The following SOX5 variants were observed in gnomAD, a reference collection of about 807,000 sequenced individuals.
The protein encoded by SOX5 is SRY-box transcription factor 5.
Under a neutral mutation model 92.0 loss-of-function variants are expected in SOX5, and 9 were observed. That is an observed-to-expected ratio of 0.10 (90% CI 0.06 to 0.17). The LOEUF is 0.17. Ranked by LOEUF, SOX5 falls within the 10% of genes least tolerant of loss-of-function variation. The probability of loss-of-function intolerance (pLI) is 1.00; values close to 1 mark genes in which losing one functional copy is unlikely to be tolerated. For missense variants in SOX5, 642 were observed against 944.5 expected (o/e 0.68, Z 4.20); for synonymous variants, 344 against 336.3 (o/e 1.02, Z -0.25).
chr12:24,235,491 C>T (rs1430927088), intron 3 of SOX5, among the ~76,000 whole-genome samples: 1 of 151,996 alleles, frequency 6.6e-6, no homozygotes, highest in Non-Finnish European at 1.5e-5. Flanking sequence ...TAATAGAAAC[C>T]CTACATTAAT....
chr12:24,147,645 C>A (rs1028519300), intron 4 of SOX5, among the ~76,000 whole-genome samples: 2 of 152,162 alleles, frequency 1.3e-5, no homozygotes, highest in Non-Finnish European at 2.9e-5. Context: ...TCACAGACAA[C>A]ATAATTGTCT....
chr12:24,050,979 C>T (rs1055217402), intron 4 of SOX5, among the ~76,000 whole-genome samples: 4 of 152,112 alleles, frequency 2.6e-5, no homozygotes, highest in Non-Finnish European at 5.9e-5. Flanking sequence ...ATGATCCTCT[C>T]TCTTTTTTTG....
intron 9 of SOX5, among the ~76,000 whole-genome samples, chr12:23,603,761 C>G (rs1173884092): frequency 6.6e-6 from 1 of 151,978 alleles, no homozygotes; most frequent in Non-Finnish European, 1.5e-5. Flanking sequence ...AAAACCAAAA[C>G]CACTTCTAAA....
chr12:24,155,237 G>A (rs546711601), intron 4 of SOX5, among the ~76,000 whole-genome samples: 1 of 152,126 alleles, frequency 6.6e-6, no homozygotes, highest in Non-Finnish European at 1.5e-5. Flanking sequence ...GTAGAGATGA[G>A]AATTTAGTCA....
chr12:24,304,209 G>C (rs753161851), intron 2 of SOX5, among the ~76,000 whole-genome samples: 2 of 152,168 alleles, frequency 1.3e-5, no homozygotes, highest in Non-Finnish European at 2.9e-5. Context: ...CCATGTCAAA[G>C]AGATAGCATG....
intron 10 of SOX5, among the ~76,000 whole-genome samples, chr12:23,568,694 T>C (rs756502266): frequency 4.6e-5 from 7 of 152,094 alleles, no homozygotes; most frequent in Non-Finnish European, 8.8e-5. Flanking sequence ...CTTTACCCTC[T>C]AAAGATACAA....
intron 4 of SOX5, among the ~76,000 whole-genome samples, chr12:24,034,079 G>A (rs1186898819): frequency 6.6e-6 from 1 of 151,988 alleles, no homozygotes; most frequent in Non-Finnish European, 1.5e-5. Context: ...AAACATAACT[G>A]TTTTGATAAT....
chr12:24,468,593 C>T (rs935837731), intron 1 of SOX5, among the ~76,000 whole-genome samples: 1 of 152,154 alleles, frequency 6.6e-6, no homozygotes, highest in Non-Finnish European at 1.5e-5. Flanking sequence ...TAGTCAAACA[C>T]CGCCCCACAA....
intron 4 of SOX5, among the ~76,000 whole-genome samples, chr12:24,030,001 T>G (rs924468555): frequency 2.6e-5 from 4 of 151,932 alleles, no homozygotes; most frequent in African/African-American, 9.7e-5. Flanking sequence ...TGCAACCTTA[T>G]GAGGTACGTG....
intron 1 of SOX5, among the ~76,000 whole-genome samples, chr12:24,521,671 C>T (rs1597561020): frequency 6.6e-6 from 1 of 152,118 alleles, no homozygotes; most frequent in South Asian, 2.1e-4. Context: ...AGAAAATTCA[C>T]AAACGCATGG....
chr12:24,212,894 A>T (rs1437543982), intron 4 of SOX5, among the ~76,000 whole-genome samples: 1 of 152,222 alleles, frequency 6.6e-6, no homozygotes, highest in Non-Finnish European at 1.5e-5. Context: ...TTAGAGGTGG[A>T]CACCAGCACA....
intron 13 of SOX5, among the ~76,000 whole-genome samples, chr12:23,537,733 A>C (rs1311566506): frequency 6.6e-6 from 1 of 152,218 alleles, no homozygotes; most frequent in Non-Finnish European, 1.5e-5. Flanking sequence ...GATATGGTTT[A>C]AAACTTGGAT....
At position 23,640,880 on chromosome 12, in the gene SOX5, G is replaced by T; in HGVS notation, c.949C>A (p.Gln317Lys). 1 of 1,613,594 alleles carries T rather than the reference G, an allele frequency of 6.2e-7. No individual in the cohort carries two copies. Among genetic ancestry groups the T allele is most frequent in the Non-Finnish European group, 8.5e-7 (1 of 1,179,522 alleles). Reference sequence around the variant, plus strand: ...GCTGCCATGGTAGTTGGGATCAGCTGAACAGGGTAAGGGTCACCTAAGTAA... The same window carrying T: ...GCTGCCATGGTAGTTGGGATCAGCTTAACAGGGTAAGGGTCACCTAAGTAA... ...KAGCSDPYPV[Q>K]LIPTTMAAAA... The change falls in exon 8 of 15, where the codon CAG (glutamine) becomes AAG (lysine). Residue 317 changes from glutamine (Q) to lysine (K), a missense_variant. By Grantham distance (53) the Gln-to-Lys change is moderately conservative (BLOSUM62 1). Around this residue, in one of 8 missense-constraint regions of SOX5, gnomAD observed 324 missense variants for 461.6 expected, o/e 0.70. Coordinates refer to ENST00000451604, the MANE Select transcript of SOX5 (RefSeq NM_006940.6).
chr12:23,962,987 A>G (rs2140037682), intron 4 of SOX5, among the ~76,000 whole-genome samples: 1 of 152,338 alleles, frequency 6.6e-6, no homozygotes, highest in East Asian at 1.9e-4. Context: ...GTTAAATTAA[A>G]TGAATAGAAT....
chr12:23,889,704 A>G (rs1431771145), intron 2 of SOX5, among the ~76,000 whole-genome samples: 1 of 152,164 alleles, frequency 6.6e-6, no homozygotes, highest in Non-Finnish European at 1.5e-5. Flanking sequence ...GATCAACTTT[A>G]AAAGACAGTT....
At chr12:24,308,266 C>G (rs1948816379) in intron 2 of SOX5, among the ~76,000 whole-genome samples, 1 of 152,140 alleles carries the variant, frequency 6.6e-6, no homozygotes, top group Non-Finnish European at 1.5e-5. Flanking sequence ...CAGTCCACCT[C>G]AAGGGAAGAA....
intron 3 of SOX5, among the ~76,000 whole-genome samples, chr12:23,796,141 T>C (rs546694502): frequency 6.6e-6 from 1 of 152,240 alleles, no homozygotes; most frequent in African/African-American, 2.4e-5. Flanking sequence ...AATGAATCCA[T>C]GGTGTTTAGG....
At chr12:24,223,066 A>G (rs1342532874) in intron 3 of SOX5, among the ~76,000 whole-genome samples, 1 of 152,242 alleles carries the variant, frequency 6.6e-6, no homozygotes, top group Non-Finnish European at 1.5e-5. Flanking sequence ...CGAGGATTTC[A>G]AATGAAAAGC....
At chr12:24,463,702 C>T (rs868444606) in intron 1 of SOX5, among the ~76,000 whole-genome samples, 4 of 152,134 alleles carry the variant, frequency 2.6e-5, no homozygotes, top group Non-Finnish European at 5.9e-5. Context: ...AGCACTGGTG[C>T]CATTGGTTAA....
Sources: allele counts gnomAD v4.1 joint callset (sites outside exome capture counted in the v4.1 genomes callset), GRCh38; gene constraint gnomAD v4.1.1; regional missense constraint gnomAD v4.1.1; transcripts MANE v1.5; gene names NCBI Gene and HGNC (gene_info 2026-07-23, HGNC 2026-07-21).